The following HERC1 variants were observed in gnomAD, a reference collection of about 807,000 sequenced individuals.
HERC1 encodes HECT and RLD domain containing E3 ubiquitin protein ligase family member 1.
HERC1 carries 160 observed loss-of-function variants against 554.3 expected under a neutral mutation model. The ratio of observed to expected loss-of-function variants is 0.29; its 90% CI spans 0.25 to 0.33. The LOEUF is 0.33. Ranked by LOEUF, HERC1 falls within the 10% of genes least tolerant of loss-of-function variation. The probability of loss-of-function intolerance (pLI) is 1.00; values close to 1 mark genes in which losing one functional copy is unlikely to be tolerated. For synonymous variants in HERC1, 2,175 were observed against 2,131.7 expected, an observed-to-expected ratio of 1.02 and a Z score of -0.56; for missense variants, 4,919 against 5,918.5, an observed-to-expected ratio of 0.83 and a Z score of 5.54.
chr15:63,706,713 CTCTT>C, intron 25 of HERC1, 63 bp downstream of exon 25: 2 of 758,426 alleles, frequency 2.6e-6, no homozygotes, highest in African/African-American at 4.2e-5. Context: ...ATTTACTATG[CTCTT>C]TTTTTTTTTT....
At chr15:63,764,266 C>T (rs2075703151) in intron 2 of HERC1, 75 bp from the exon 3 acceptor site, 1 of 922,642 alleles carries the variant, frequency 1.1e-6, no homozygotes, top group Non-Finnish European at 1.7e-6. Flanking sequence ...AAACAGTCTA[C>T]AAAAACAACA....
At chr15:63,786,929 T>A (rs1003742136) in intron 1 of HERC1, among the ~76,000 whole-genome samples, 13 of 150,592 alleles carry the variant, frequency 8.6e-5, no homozygotes, top group East Asian at 3.9e-4. Flanking sequence ...TATTTTTTTT[T>A]TTTTTATTTT....
intron 34 of HERC1, among the ~76,000 whole-genome samples, chr15:63,684,982 C>T (rs1329142138): frequency 6.6e-6 from 1 of 152,248 alleles, no homozygotes; most frequent in Non-Finnish European, 1.5e-5. Flanking sequence ...GCACTCCAGC[C>T]TGGGTGACAG....
At chr15:63,800,006 T>C (rs1253260812) in intron 1 of HERC1, among the ~76,000 whole-genome samples, 1 of 152,078 alleles carries the variant, frequency 6.6e-6, no homozygotes, top group Non-Finnish European at 1.5e-5. Context: ...TGGTGGTATA[T>C]GCCTGTAGTC....
intron 1 of HERC1, among the ~76,000 whole-genome samples, chr15:63,822,527 A>T (rs2145792293): frequency 6.6e-6 from 1 of 152,134 alleles, no homozygotes; most frequent in African/African-American, 2.4e-5. Flanking sequence ...CAGAGGTTGC[A>T]GTGAGCCGAG....
chr15:63,708,112 A>G (rs1351747921), intron 24 of HERC1, among the ~76,000 whole-genome samples: 1 of 152,082 alleles, frequency 6.6e-6, no homozygotes, highest in Non-Finnish European at 1.5e-5. Flanking sequence ...TTCTTGGACC[A>G]TTTGGTGCTG....
At chr15:63,795,097 T>C (rs1048365885) in intron 1 of HERC1, among the ~76,000 whole-genome samples, 1 of 133,096 alleles carries the variant, frequency 7.5e-6, no homozygotes, top group African/African-American at 2.8e-5. Context: ...AGTAAAGGAA[T>C]AATCATCCTT....
At chr15:63,675,944 C>A (rs900757607) in intron 37 of HERC1, among the ~76,000 whole-genome samples, 4 of 147,020 alleles carry the variant, frequency 2.7e-5, no homozygotes, top group African/African-American at 1.0e-4. Flanking sequence ...TGTTCTGTCA[C>A]CCAGGCTGCA....
intron 1 of HERC1, among the ~76,000 whole-genome samples, chr15:63,794,349 C>T (rs2076746425): frequency 6.6e-6 from 1 of 152,194 alleles, no homozygotes; most frequent in African/African-American, 2.4e-5. Context: ...CCTGTAACAC[C>T]TGAACCCAGT....
intron 1 of HERC1, among the ~76,000 whole-genome samples, chr15:63,830,719 A>G (rs1296977483): frequency 6.6e-6 from 1 of 152,244 alleles, no homozygotes; most frequent in African/African-American, 2.4e-5. Flanking sequence ...GTCTAACATT[A>G]TTTCTAAATA....
intron 1 of HERC1, among the ~76,000 whole-genome samples, chr15:63,809,284 T>A (rs947989695): frequency 1.3e-5 from 2 of 152,140 alleles, no homozygotes; most frequent in Non-Finnish European, 2.9e-5. Flanking sequence ...CAAGGGTCAG[T>A]CCTATTTGTA....
chr15:63,668,675 C>T (rs7168622), intron 40 of HERC1, among the ~76,000 whole-genome samples: 1 of 151,908 alleles, frequency 6.6e-6, no homozygotes, highest in Non-Finnish European at 1.5e-5. Flanking sequence ...AAAAATATCA[C>T]CAAGGATAAA....
At chr15:63,666,510 A>T (rs2070648132) in intron 40 of HERC1, 38 bp from the exon 41 acceptor site, 1 of 1,292,094 alleles carries the variant, frequency 7.7e-7, no homozygotes, top group East Asian at 2.3e-5. Flanking sequence ...CCTAAATATC[A>T]CTAGATACCG....
chr15:63,636,913 C>G (rs181356382), intron 64 of HERC1: 4 of 300,632 alleles, frequency 1.3e-5, no homozygotes, highest in Admixed American at 8.3e-5. Flanking sequence ...GTGCTCTTCA[C>G]ACTCAGATCA....
Position 63,692,640 on chromosome 15 carries a change from T to A in HERC1, c.5675-74A>T. The A allele has an allele frequency of 7.8e-7, 1 of 1,282,882 alleles. No individual in the cohort carries two copies. The highest frequency in any genetic ancestry group is 1.1e-6 in the Non-Finnish European group (1 of 949,622). The allele number at this position is 1,282,882 out of a possible 1,614,324, so 79.5% of individuals were successfully genotyped here. On this transcript the variant is annotated intron_variant, in intron 30 of 77. Coordinates refer to ENST00000443617, the MANE Select transcript of HERC1 (RefSeq NM_003922.4). This position sits in a 1 kb window ranked among gnomAD's most constrained non-coding sequence, Gnocchi z 4.7. ...TAGTCTTATATCACATAATTTACCT[T>A]GAAACTGCAGTAAGCACAAATCTAA...
chr15:63,634,434 CT>C (rs1400603327), intron 66 of HERC1, among the ~76,000 whole-genome samples: 5 of 152,140 alleles, frequency 3.3e-5, no homozygotes, highest in African/African-American at 9.7e-5. Context: ...CTACTAGTAT[CT>C]GTATTTTTTA....
Position 63,651,374 on chromosome 15 carries a change from C to G in HERC1, c.10425G>C (p.Gly3475=), listed in dbSNP as rs1350742823. The G allele has an allele frequency of 6.2e-7, 1 of 1,613,118 alleles. No homozygotes were observed. Residue 3475 remains glycine, a synonymous_variant, in exon 53 of 78, where the codon GGG becomes GGC. Transcript: ENST00000443617. ...QQTCVFNRLE[G]DAEESLGSPS... ...GTGATCCCAGGCTTTCCTCAGCATC[C>G]CCTTCCCTAGAATATAACAGACAGA...
chr15:63,656,061 C>T (rs185329901), intron 49 of HERC1, 27 bp downstream of exon 49: 34 of 1,606,206 alleles, frequency 2.1e-5, no homozygotes, highest in Middle Eastern at 3.3e-4. Context: ...ATCAATGTAA[C>T]GGGGAAAAGT....
Position 63,659,778 on chromosome 15 carries a change from C to G in HERC1, c.9382G>C (p.Val3128Leu), listed in dbSNP as rs2070255871. 6.2e-7 allele frequency: 1 copy of G among 1,613,794 alleles called. No individual in the cohort carries two copies. Among genetic ancestry groups the G allele is most frequent in the African/African-American group, 1.3e-5 (1 of 74,914 alleles). Residue 3128 changes from valine (V) to leucine (L), a missense_variant, in exon 47 of 78, where the codon GTC (valine) becomes CTC (leucine). By Grantham distance (32) the Val-to-Leu change is conservative. This residue lies in a region of HERC1 where 1,963 missense variants were observed against 2,228.6 expected (regional missense o/e 0.88). Transcript: ENST00000443617. ...TCTTCCATACTGTTGGTGGCTGTGA[C>G]CATTGCTACTGATGCTCCCAGTGGA... ...SDPLGASVAM[V>L]TATNSMEETL...
Sources: gnomAD v4.1 joint callset for allele counts (sites outside exome capture counted in the v4.1 genomes callset) on GRCh38, gnomAD v4.1.1 for gene constraint, gnomAD v4.1.1 regional missense constraint, Gnocchi (gnomAD v3.1) non-coding constraint, MANE v1.5 for transcripts, NCBI Gene and HGNC (gene_info 2026-07-23, HGNC 2026-07-21) for gene names.